The following FYN variants were observed in gnomAD, a reference collection of about 807,000 sequenced individuals.
FYN encodes FYN proto-oncogene, Src family tyrosine kinase, also known as tyrosine-protein kinase Fyn.
Under a neutral mutation model 70.2 loss-of-function variants are expected in FYN, and 10 were observed. The observed-to-expected ratio is 0.14, with a 90% CI of 0.09 to 0.24. The LOEUF is 0.24. FYN is among the 10% of genes least tolerant of loss of function. The probability of loss-of-function intolerance (pLI) is 1.00; values close to 1 mark genes in which losing one functional copy is unlikely to be tolerated. For synonymous variants in FYN, 236 were observed against 248.6 expected, an observed-to-expected ratio of 0.95 and a Z score of 0.48; for missense variants, 319 against 673.1, an observed-to-expected ratio of 0.47 and a Z score of 5.82.
chr6:111,845,858 C>A (rs1269351650), intron 2 of FYN, among the ~76,000 whole-genome samples: 1 of 152,144 alleles, frequency 6.6e-6, no homozygotes, highest in Non-Finnish European at 1.5e-5. Context: ...GGCAGAGAGA[C>A]GTACAGGCAG....
chr6:111,675,736 T>G (rs1258969999), intron 12 of FYN, among the ~76,000 whole-genome samples: 1 of 151,634 alleles, frequency 6.6e-6, no homozygotes, highest in Admixed American at 6.6e-5. Context: ...GAGGTTGCAG[T>G]GAGCCGAGAT....
At chr6:111,773,153 T>C (rs1329868556) in intron 3 of FYN, among the ~76,000 whole-genome samples, 2 of 150,668 alleles carry the variant, frequency 1.3e-5, no homozygotes, top group African/African-American at 2.4e-5. Flanking sequence ...GTAGAACAAA[T>C]GGTGAATTTA....
At chr6:111,751,309 T>C (rs1256655301) in intron 3 of FYN, among the ~76,000 whole-genome samples, 1 of 152,276 alleles carries the variant, frequency 6.6e-6, no homozygotes, top group South Asian at 2.1e-4. Flanking sequence ...CTGGCTCAGG[T>C]TGACAACATC....
intron 2 of FYN, among the ~76,000 whole-genome samples, chr6:111,814,408 A>C (rs1263813698): frequency 6.6e-6 from 1 of 152,186 alleles, no homozygotes; most frequent in Non-Finnish European, 1.5e-5. Context: ...TCTGAAACAT[A>C]AAAAGATTTT....
At chr6:111,779,543 C>T (rs1313014436) in intron 3 of FYN, among the ~76,000 whole-genome samples, 2 of 152,124 alleles carry the variant, frequency 1.3e-5, no homozygotes, top group Middle Eastern at 6.3e-3. Context: ...AACAAGGTGA[C>T]CTCACTGGTT....
At chr6:111,821,407 G>A (rs1347083580) in intron 2 of FYN, among the ~76,000 whole-genome samples, 3 of 152,130 alleles carry the variant, frequency 2.0e-5, no homozygotes, top group Non-Finnish European at 4.4e-5. Context: ...TTAATAAATG[G>A]TGCTGGGAAA....
At chr6:111,847,052 C>T (rs929885596) in intron 1 of FYN, among the ~76,000 whole-genome samples, 1 of 152,192 alleles carries the variant, frequency 6.6e-6, no homozygotes, top group Non-Finnish European at 1.5e-5. Context: ...TTAAAACACC[C>T]CCAGCACCCA....
At chr6:111,729,900 T>G (rs926285707) in intron 3 of FYN, among the ~76,000 whole-genome samples, 3 of 152,374 alleles carry the variant, frequency 2.0e-5, no homozygotes, top group African/African-American at 7.2e-5. Flanking sequence ...ACCAAGAATG[T>G]ACTTTTTTTA....
chr6:111,779,962 T>C (rs952574093), intron 3 of FYN, among the ~76,000 whole-genome samples: 2 of 151,966 alleles, frequency 1.3e-5, no homozygotes, highest in African/African-American at 4.8e-5. Context: ...CTCAGAGAGG[T>C]TATCTAACAA....
intron 5 of FYN, among the ~76,000 whole-genome samples, chr6:111,712,134 TG>T (rs997537469): frequency 6.6e-6 from 1 of 152,182 alleles, no homozygotes; most frequent in African/African-American, 2.4e-5. Context: ...GAAGAAGCCA[TG>T]GGACTGACAC....
At chr6:111,791,778 C>G (rs1771632136) in intron 2 of FYN, among the ~76,000 whole-genome samples, 1 of 152,194 alleles carries the variant, frequency 6.6e-6, no homozygotes, top group South Asian at 2.1e-4. Context: ...CTGTTTTAAG[C>G]CACCCATTTT....
At chr6:111,784,283 G>A (rs1433591573) in intron 2 of FYN, among the ~76,000 whole-genome samples, 28 of 152,176 alleles carry the variant, frequency 1.8e-4, no homozygotes, top group Admixed American at 1.8e-3. Context: ...AGGACTCCTT[G>A]ACTTGGGTTT....
intron 1 of FYN, among the ~76,000 whole-genome samples, chr6:111,855,309 T>C (rs1773796574): frequency 1.3e-5 from 2 of 152,172 alleles, no homozygotes; most frequent in Non-Finnish European, 1.5e-5. Context: ...AAGCTCAACA[T>C]AGGAGATGAA....
At chr6:111,688,135 G>A (rs1203590918) in intron 12 of FYN, among the ~76,000 whole-genome samples, 6 of 152,220 alleles carry the variant, frequency 3.9e-5, no homozygotes, top group Admixed American at 2.6e-4. Context: ...TCTACTAATT[G>A]TCTTCTTGAA....
intron 2 of FYN, among the ~76,000 whole-genome samples, chr6:111,789,321 C>T (rs1237755916): frequency 1.3e-5 from 2 of 152,080 alleles, no homozygotes; most frequent in Non-Finnish European, 2.9e-5. Flanking sequence ...AGATTTGGGG[C>T]TCATTGGCAC....
intron 3 of FYN, among the ~76,000 whole-genome samples, chr6:111,762,402 C>T (rs1803042683): frequency 6.6e-6 from 1 of 152,104 alleles, no homozygotes; most frequent in African/African-American, 2.4e-5. Flanking sequence ...CCAAAGAAAC[C>T]TGGAAAACTA....
intron 3 of FYN, among the ~76,000 whole-genome samples, chr6:111,760,856 C>A (rs939350165): frequency 6.6e-6 from 1 of 152,224 alleles, no homozygotes; most frequent in African/African-American, 2.4e-5. Flanking sequence ...CTCTTCCTAT[C>A]TGAATCTCAC....
At chr6:111,742,844 C>T (rs1802037784) in intron 3 of FYN, among the ~76,000 whole-genome samples, 1 of 152,164 alleles carries the variant, frequency 6.6e-6, no homozygotes, top group African/African-American at 2.4e-5. Context: ...TGACAAGGTC[C>T]CCATGCCTAC....
At chr6:111,733,303 C>T (rs1485826402) in intron 3 of FYN, among the ~76,000 whole-genome samples, 1 of 152,138 alleles carries the variant, frequency 6.6e-6, no homozygotes, top group Non-Finnish European at 1.5e-5. Context: ...AACCTTGGGC[C>T]CACAGAATTG....
Sources: allele counts gnomAD v4.1 joint callset (sites outside exome capture counted in the v4.1 genomes callset), GRCh38; gene constraint gnomAD v4.1.1; transcripts MANE v1.5; gene names NCBI Gene and HGNC (gene_info 2026-07-23, HGNC 2026-07-21).